The following MYH6 variants were observed in gnomAD, a reference collection of about 807,000 sequenced individuals.
The protein encoded by MYH6 is myosin-6.
A neutral mutation model predicts 223.2 loss-of-function variants in MYH6; 126 were observed. The observed-to-expected ratio is 0.56, with a 90% confidence interval of 0.49 to 0.65. The LOEUF (loss-of-function observed/expected upper bound fraction) is 0.65, where lower values mean the gene tolerates loss of function less well. Among genes scored for constraint, MYH6 ranks in the 30% least tolerant of loss-of-function variants. The pLI, the probability that MYH6 is intolerant of heterozygous loss-of-function variation, is 0.00. For missense variants in MYH6, 2,040 were observed against 2,536.4 expected, an observed-to-expected ratio of 0.80 and a Z score of 4.20; for synonymous variants, 978 against 1,010.2, an observed-to-expected ratio of 0.97 and a Z score of 0.61.
rs747336363 is a variant in MYH6, at chr14:23,384,991, C to T, written c.5214G>A (p.Gln1738=). The change falls in exon 35 of 39, where the codon CAG becomes CAA. Residue 1738 remains glutamine, a synonymous_variant. Coordinates refer to ENST00000405093, the MANE Select transcript of MYH6 (RefSeq NM_002471.4). ...CTGCCTCCTCCACTTCCGACTGGAG[C>T]TGGGTCAGATCCGACTCCATCTTCT... is the stretch of plus-strand genomic sequence containing the variant. The part of the protein sequence containing the change: ...QKKKMESDLT[Q]LQSEVEEAVQ... The T allele has an allele frequency of 2.8e-5, 46 of 1,614,226 alleles. No homozygotes were observed. Among genetic ancestry groups the T allele is most frequent in the Non-Finnish European group, 3.8e-5 (45 of 1,180,046 alleles).
At chr14:23,393,164 C>T (rs1891289322) in intron 23 of MYH6, 107 bp from the exon 24 acceptor site, 1 of 1,524,284 alleles carries the variant, frequency 6.6e-7, no homozygotes, top group Non-Finnish European at 9.0e-7. Flanking sequence ...GAAGTCAAAC[C>T]AACAGAGAAA....
chr14:23,388,048 G>A (rs1566506713), intron 30 of MYH6, 107 bp downstream of exon 30: 1 of 1,607,776 alleles, frequency 6.2e-7, no homozygotes. Context: ...CCGAGCCTGG[G>A]CTTAGCCCTC....
At position 23,397,179 on chromosome 14, in the gene MYH6, TC is replaced by T. The variant is rs2138604913; in HGVS notation, c.2040del (p.Lys681ArgfsTer5). 6.2e-7 allele frequency: 1 copy of T among 1,614,232 alleles called. No individual in the cohort carries two copies. Among genetic ancestry groups the T allele is most frequent in the East Asian group, 2.2e-5 (1 of 44,886 alleles). On this transcript the variant is annotated frameshift_variant, in exon 17 of 39. Transcript: ENST00000405093. LOFTEE classifies it high-confidence loss of function. Reference protein sequence around the residue: ...HFVRCIIPNERKAPGVMDNPL... With the variant: ...HFVRCIIPNEXKAPGVMDNPL... Reference sequence around the variant, plus strand: ...TCTTCTCCTGGCTCACCTGGAGCCTTCCGCTCATTGGGGATGATGCAACGCA... The same window carrying T: ...TCTTCTCCTGGCTCACCTGGAGCCTTCGCTCATTGGGGATGATGCAACGCA...
intron 22 of MYH6, 47 bp from the exon 23 acceptor site, chr14:23,393,565 T>C: frequency 6.2e-7 from 1 of 1,614,002 alleles, no homozygotes; most frequent in Non-Finnish European, 8.5e-7. Context: ...ATCACCAGCC[T>C]GGAGACATCT....
Position 23,389,372 on chromosome 14 carries a change from AC to A in MYH6, c.3978+20del, listed in dbSNP as rs1487344067. The A allele has an allele frequency of 1.2e-6, 2 of 1,611,386 alleles. No individual in the cohort carries two copies. The highest frequency in any genetic ancestry group is 1.3e-5 in the African/African-American group (1 of 74,696). Reference sequence around the variant, plus strand: ...CCCAGGGCTGCCATCAAGCCTGCCCACCCTCCCCACTGGGCCTCACCTTGCC... The same window carrying A: ...CCCAGGGCTGCCATCAAGCCTGCCCACCTCCCCACTGGGCCTCACCTTGCC... On this transcript the variant is annotated intron_variant, in intron 28 of 38. Coordinates refer to ENST00000405093, the MANE Select transcript of MYH6 (RefSeq NM_002471.4).
Position 23,407,307 on chromosome 14 carries a change from G to T in MYH6, c.-13-71C>A. 1.9e-6 allele frequency: 3 copies of T among 1,552,362 alleles called. No individual in the cohort carries two copies. Among genetic ancestry groups the T allele is most frequent in the Non-Finnish European group, 2.7e-6 (3 of 1,131,110 alleles). ...GCTCCAGCGAGTGGCTTTGTCCTCT[G>T]CAGCCCCCCTCCCTACCCCCGCTCC... is the stretch of plus-strand genomic sequence containing the variant. On this transcript the variant is annotated intron_variant, in intron 2 of 38. Coordinates refer to ENST00000405093, the MANE Select transcript of MYH6 (RefSeq NM_002471.4). The surrounding 1 kb of genome is among the most constrained non-coding windows in gnomAD (Gnocchi z 5.6).
chr14:23,402,775 G>T lies in MYH6; in HGVS notation c.924C>A (p.Pro308=). The T allele has an allele frequency of 6.2e-7, 1 of 1,613,626 alleles. No individual in the cohort carries two copies. The highest frequency in any genetic ancestry group is 8.5e-7 in the Non-Finnish European group (1 of 1,179,938). ...CCTGAGACACGAAGGCGTAGTCGTA[G>T]GGATTGTTGGTGACCAGCAGCATGT... ...LLDMLLVTNN[P]YDYAFVSQGE... is the part of the protein sequence containing the mutation. Residue 308 remains proline, a synonymous_variant, in exon 11 of 39, where the codon CCC becomes CCA. Transcript: ENST00000405093.
chr14:23,389,378 C>T lies in MYH6; in HGVS notation c.3978+15G>A. 1.2e-6 allele frequency: 2 copies of T among 1,613,098 alleles called. No individual in the cohort carries two copies. Among genetic ancestry groups the T allele is most frequent in the South Asian group, 1.1e-5 (1 of 91,066 alleles). ...GCTGCCATCAAGCCTGCCCACCCTC[C>T]CCACTGGGCCTCACCTTGCCCTCCT... On this transcript the variant is annotated intron_variant, in intron 28 of 38. Transcript: ENST00000405093.
rs771683498 is a variant in MYH6 at position 23,390,338 on chromosome 14, G to A, written c.3451C>T (p.Arg1151Trp). 8 of 1,607,542 alleles carry A rather than the reference G, an allele frequency of 5.0e-6. No homozygotes were observed. Among genetic ancestry groups the A allele is most frequent in the South Asian group, 1.1e-5 (1 of 90,844 alleles). ...GTGGCCCCGCCGGCCTCTTCCAGCC[G>A]CTCGCTGATCTCCTCCAGCTCCCGA... ...LSRELEEISERLEEAGGATSV... is the reference protein window; with the variant it reads ...LSRELEEISEWLEEAGGATSV... Residue 1151 changes from arginine (R) to tryptophan (W), a missense_variant, in exon 26 of 39, where the codon CGG (arginine) becomes TGG (tryptophan). By Grantham distance (101) the Arg-to-Trp change is moderately radical. Transcript: ENST00000405093.
At chr14:23,399,842 C>T (rs1396174717) in intron 14 of MYH6, 7 of 279,588 alleles carry the variant, frequency 2.5e-5, no homozygotes, top group Admixed American at 2.4e-4. Context: ...CTCCCGCCTG[C>T]GGCCTTGTCT....
At chr14:23,402,404 C>T in intron 12 of MYH6, 60 bp downstream of exon 12, 2 of 1,606,912 alleles carry the variant, frequency 1.2e-6, no homozygotes, top group Non-Finnish European at 1.7e-6. Context: ...GATCTGAGTC[C>T]CGCAGAGAGC....
chr14:23,393,983 C>T, intron 21 of MYH6, 75 bp from the exon 22 acceptor site: 2 of 1,613,748 alleles, frequency 1.2e-6, no homozygotes, highest in Non-Finnish European at 1.7e-6. Context: ...GCTGGCACTC[C>T]TAGACTCCCA....
At position 23,398,967 on chromosome 14, in the gene MYH6, G is replaced by A. The variant is rs767230041; in HGVS notation, c.1652C>T (p.Ala551Val). 2 of 1,614,098 alleles carry A rather than the reference G, an allele frequency of 1.2e-6. No individual in the cohort carries two copies. The highest frequency in any genetic ancestry group is 2.2e-5 in the East Asian group (1 of 44,866). ...FPKATDMTFK[A>V]KLYDNHLGKS... ...GCCCAGGTGGTTGTCGTACAGCTTG[G>A]CCTTGAAGGTCATGTCAGTGGCCTT... The change falls in exon 15 of 39, where the codon GCC becomes GTC. Residue 551 changes from alanine to valine, a missense_variant. Physicochemically the swap from Ala to Val is moderately conservative, Grantham distance 64 (BLOSUM62 0). This residue lies in a region of MYH6 where 649 missense variants were observed against 877.3 expected (regional missense o/e 0.74). Transcript: ENST00000405093.
intron 32 of MYH6, 149 bp downstream of exon 32, chr14:23,387,380 C>T (rs1723640062): frequency 1.5e-6 from 2 of 1,295,284 alleles, no homozygotes; most frequent in Middle Eastern, 2.6e-4. Context: ...TGGAGGCAGT[C>T]ATGGGTAGTG....
intron 25 of MYH6, among the ~76,000 whole-genome samples, chr14:23,391,777 C>T (rs1177784268): frequency 1.3e-5 from 2 of 152,124 alleles, no homozygotes; most frequent in Non-Finnish European, 2.9e-5. Flanking sequence ...TTCTGACAAA[C>T]CCGATACTAA....
chr14:23,402,872 G>A, intron 10 of MYH6, 72 bp from the exon 11 acceptor site: 3 of 510,978 alleles, frequency 5.9e-6, no homozygotes, highest in Admixed American at 5.2e-5. Context: ...GTAGAGTTGG[G>A]AAAGGGAGGG....
intron 30 of MYH6, 75 bp downstream of exon 30, chr14:23,388,080 T>G (rs984896749): frequency 2.5e-6 from 4 of 1,610,580 alleles, no homozygotes; most frequent in Non-Finnish European, 3.4e-6. Context: ...CCAAGGAGGT[T>G]GCCTTTGGCC....
intron 24 of MYH6, 21 bp from the exon 25 acceptor site, chr14:23,392,673 T>TGGGGGGGGGGGGGG: frequency 1.9e-6 from 1 of 534,016 alleles, no homozygotes; most frequent in Admixed American, 2.8e-5. Flanking sequence ...AGGGTGGGGG[T>TGGGGGGGGGGGGGG]GGGGGAGTGA....
intron 20 of MYH6, among the ~76,000 whole-genome samples, chr14:23,394,756 T>C (rs144902226): frequency 2.7e-4 from 41 of 152,318 alleles, no homozygotes; most frequent in African/African-American, 9.6e-4. Flanking sequence ...CGTTCCTTCC[T>C]ACACCCCTGT....
Sources: allele counts gnomAD v4.1 joint callset (sites outside exome capture counted in the v4.1 genomes callset), GRCh38; gene constraint gnomAD v4.1.1; regional missense constraint gnomAD v4.1.1; non-coding constraint Gnocchi (gnomAD v3.1); transcripts MANE v1.5; gene names NCBI Gene and HGNC (gene_info 2026-07-23, HGNC 2026-07-21).